NXPE2: variants seen among roughly 807,000 people sequenced by gnomAD.
NXPE2 encodes the protein NXPE family member 2.
NXPE2 carries 34 observed loss-of-function variants against 34.4 expected under a neutral mutation model. The observed-to-expected ratio is 0.99, with a 90% confidence interval of 0.75 to 1.31. NXPE2 has a LOEUF of 1.31. NXPE2 is among the 40% of genes most tolerant of loss of function. NXPE2 has a pLI of 0.00. For synonymous variants in NXPE2, 235 were observed against 231.3 expected, an observed-to-expected ratio of 1.02 and a Z score of -0.15; for missense variants, 649 against 672.5, an observed-to-expected ratio of 0.97 and a Z score of 0.39.
chr11:114,605,267 C>T, the NXPE2 span, among the ~76,000 whole-genome samples: 1 of 151,824 alleles, frequency 6.6e-6, no homozygotes, highest in East Asian at 1.9e-4. Context: ...TCGTGGGAAA[C>T]CACTGTTACC....
the NXPE2 span, among the ~76,000 whole-genome samples, chr11:114,797,321 G>A: frequency 6.6e-6 from 1 of 152,124 alleles, no homozygotes; most frequent in Non-Finnish European, 1.5e-5. Context: ...AAGGTGAAAC[G>A]AGAGTTTAGT....
At chr11:114,786,728 G>C in the NXPE2 span, among the ~76,000 whole-genome samples, 1 of 152,110 alleles carries the variant, frequency 6.6e-6, no homozygotes, top group Admixed American at 6.5e-5. Context: ...CATCCTGAGA[G>C]GGCTAATGCA....
the NXPE2 span, among the ~76,000 whole-genome samples, chr11:114,625,899 A>G: frequency 2.0e-5 from 3 of 152,110 alleles, no homozygotes; most frequent in African/African-American, 7.2e-5. Context: ...TTTCCTAGTC[A>G]AAGAAAGGGG....
chr11:114,624,629 C>T, the NXPE2 span, among the ~76,000 whole-genome samples: 4 of 151,854 alleles, frequency 2.6e-5, no homozygotes, highest in African/African-American at 4.8e-5. Context: ...CCACTGTTAC[C>T]CAGTGGATAA....
At chr11:114,625,888 C>A in the NXPE2 span, among the ~76,000 whole-genome samples, 2 of 152,158 alleles carry the variant, frequency 1.3e-5, no homozygotes, top group African/African-American at 2.4e-5. Context: ...AGGGAGTTCC[C>A]TTTCCTAGTC....
the NXPE2 span, among the ~76,000 whole-genome samples, chr11:114,796,862 T>A: frequency 1.3e-5 from 2 of 152,212 alleles, no homozygotes; most frequent in African/African-American, 2.4e-5. Context: ...GTTGAGCAGG[T>A]TAGGCAGAGC....
the NXPE2 span, among the ~76,000 whole-genome samples, chr11:114,759,422 A>G: frequency 1.3e-5 from 2 of 152,250 alleles, no homozygotes; most frequent in African/African-American, 2.4e-5. Context: ...TGAAGATGAA[A>G]TGAATTGACA....
chr11:114,655,830 C>T, the NXPE2 span, among the ~76,000 whole-genome samples: 6 of 152,242 alleles, frequency 3.9e-5, no homozygotes, highest in East Asian at 3.9e-4. Context: ...ATGACAAACC[C>T]ACAGCCAATA....
chr11:114,592,363 A>G, the NXPE2 span, among the ~76,000 whole-genome samples: 1 of 152,158 alleles, frequency 6.6e-6, no homozygotes, highest in Non-Finnish European at 1.5e-5. Context: ...CATCAGTAAC[A>G]TTTCTATACA....
intron 3 of NXPE2, among the ~76,000 whole-genome samples, chr11:114,699,568 T>C (rs1303553078): frequency 6.6e-6 from 1 of 152,198 alleles, no homozygotes; most frequent in East Asian, 1.9e-4. Context: ...AAATGGACCA[T>C]GTCCTCTCAC....
the NXPE2 span, among the ~76,000 whole-genome samples, chr11:114,651,113 A>T: frequency 2.6e-5 from 4 of 152,074 alleles, no homozygotes; most frequent in Non-Finnish European, 5.9e-5. Context: ...TATATATAAT[A>T]GAATGTGTCC....
the NXPE2 span, among the ~76,000 whole-genome samples, chr11:114,592,146 C>T: frequency 3.9e-5 from 6 of 152,034 alleles, no homozygotes; most frequent in East Asian, 1.2e-3. Flanking sequence ...CAGTTTTATT[C>T]AACATAGTAT....
the NXPE2 span, among the ~76,000 whole-genome samples, chr11:114,773,279 A>ACCCCCCCCCCCCCCCCC: frequency 1.4e-5 from 1 of 69,416 alleles, no homozygotes; most frequent in African/African-American, 5.5e-5. Flanking sequence ...ACCCACTCCC[A>ACCCCCCCCCCCCCCCCC]CCCCCCCCCC....
the NXPE2 span, among the ~76,000 whole-genome samples, chr11:114,634,978 T>C: frequency 6.6e-6 from 1 of 152,106 alleles, no homozygotes; most frequent in East Asian, 1.9e-4. Flanking sequence ...AACTTTAAAG[T>C]AGTTTTTTCC....
the NXPE2 span, among the ~76,000 whole-genome samples, chr11:114,638,999 G>A: frequency 6.6e-6 from 1 of 152,046 alleles, no homozygotes; most frequent in Non-Finnish European, 1.5e-5. Flanking sequence ...CTTCAAAGCT[G>A]TCAGACTGGG....
At chr11:114,580,251 G>T in the NXPE2 span, 1 of 1,613,998 alleles carries the variant, frequency 6.2e-7, no homozygotes, top group Non-Finnish European at 8.5e-7. Flanking sequence ...ACAGGAGACA[G>T]GATTCCATGT....
chr11:114,521,931 A>G, the NXPE2 span: 1 of 1,427,174 alleles, frequency 7.0e-7, no homozygotes, highest in East Asian at 2.3e-5. Context: ...TTATGTGCAG[A>G]GATTGGTTCC....
chr11:114,519,073 C>T, the NXPE2 span, among the ~76,000 whole-genome samples: 1 of 152,136 alleles, frequency 6.6e-6, no homozygotes, highest in South Asian at 2.1e-4. Context: ...ACCAGAATGT[C>T]TAGGCATAAT....
the NXPE2 span, among the ~76,000 whole-genome samples, chr11:114,719,877 A>G: frequency 6.6e-6 from 1 of 152,096 alleles, no homozygotes; most frequent in East Asian, 1.9e-4. Context: ...TCTTAGACCT[A>G]CTGCCTCCTA....
Sources: allele counts gnomAD v4.1 joint callset (sites outside exome capture counted in the v4.1 genomes callset), GRCh38; gene constraint gnomAD v4.1.1; transcripts MANE v1.5; gene names NCBI Gene and HGNC (gene_info 2026-07-23, HGNC 2026-07-21).